Variants in FANCI observed in about 807,000 individuals in gnomAD.
FANCI encodes FA complementation group I, also known as Fanconi anemia group I protein.
Under a neutral mutation model 176.1 loss-of-function variants are expected in FANCI, and 156 were observed. The ratio of observed to expected loss-of-function variants is 0.89; its 90% CI spans 0.78 to 1.01. FANCI has a LOEUF of 1.01. Ranked by LOEUF, FANCI falls within the 50% of genes least tolerant of loss-of-function variation. FANCI has a pLI of 0.00. For synonymous variants in FANCI, 613 were observed against 541.7 expected (o/e 1.13, Z -1.83); for missense variants, 1,678 against 1,534.1 (o/e 1.09, Z -1.57).
intron 26 of FANCI, among the ~76,000 whole-genome samples, chr15:89,301,025 A>T (rs1885456825): frequency 6.6e-6 from 1 of 152,238 alleles, no homozygotes; most frequent in South Asian, 2.1e-4. Context: ...AGATCAATGG[A>T]TAGGCTCCAG....
rs2055276644 is a variant in FANCI, at chr15:89,316,689, T to A, written c.*230T>A. The stretch of plus-strand genomic sequence containing the variant: ...AAAAAGCACAGCTGAAAGCCTGAGT[T>A]TGGGAGCCTGCACCACCCCGATGAA... On this transcript the variant is annotated 3_prime_UTR_variant, in exon 38 of 38. Coordinates refer to ENST00000310775, the MANE Select transcript of FANCI (RefSeq NM_001113378.2). The A allele has an allele frequency of 7.9e-6, 11 of 1,390,618 alleles. No individual in the cohort carries two copies. In the South Asian group the frequency reaches 1.3e-4, roughly 16 times the overall value. 86.1% of individuals were successfully genotyped at this position (1,390,618 alleles called of 1,614,324 possible). A position where few individuals can be genotyped will look rare whatever the true frequency, so the allele number is the denominator to read the frequency against.
At chr15:89,268,614 A>C in intron 10 of FANCI, 89 bp downstream of exon 10, 2 of 1,521,334 alleles carry the variant, frequency 1.3e-6, no homozygotes, top group South Asian at 2.3e-5. Context: ...ATGACAGGAA[A>C]TAAATACTGT....
At position 89,273,459 on chromosome 15, in the gene FANCI, T is replaced by A; in HGVS notation, c.965T>A (p.Phe322Tyr). ...LLLSVTRIQR[F>Y]QDQVLDLLKT... ...CTGTCTGTAACAAGAATACAAAGAT[T>A]TCAGGACCAGGTATTTTTTTAAAAT... The change falls in exon 11 of 38, where the codon TTT (phenylalanine) becomes TAT (tyrosine). Residue 322 changes from phenylalanine to tyrosine, a missense_variant. Transcript: ENST00000310775. 3.8e-6 allele frequency: 6 copies of A among 1,575,622 alleles called. No individual in the cohort carries two copies. Among genetic ancestry groups the A allele is most frequent in the Non-Finnish European group, 5.2e-6 (6 of 1,148,268 alleles).
At chr15:89,281,896 A>C in intron 16 of FANCI, 61 bp downstream of exon 16, 4 of 1,404,280 alleles carry the variant, frequency 2.8e-6, no homozygotes, top group Non-Finnish European at 4.0e-6. Context: ...AGCTAAAGTT[A>C]TCTCTGCCAT....
intron 34 of FANCI, among the ~76,000 whole-genome samples, chr15:89,309,437 C>T (rs570061048): frequency 5.3e-5 from 8 of 151,996 alleles, no homozygotes; most frequent in South Asian, 2.1e-4. Context: ...CTTAGAGATT[C>T]GTGGTGTCCA....
At chr15:89,312,244 A>G (rs1051234633) in intron 34 of FANCI, among the ~76,000 whole-genome samples, 1 of 152,162 alleles carries the variant, frequency 6.6e-6, no homozygotes, top group Non-Finnish European at 1.5e-5. Context: ...ATAGAAATAG[A>G]AATGAATATT....
intron 10 of FANCI, 178 bp downstream of exon 10, chr15:89,268,703 CT>C (rs906117022): frequency 1.8e-4 from 120 of 672,774 alleles, no homozygotes; most frequent in Middle Eastern, 4.3e-4. Context: ...ACCACACTCC[CT>C]TTTTTTTAAT....
chr15:89,281,747 C>A lies in FANCI; in HGVS notation c.1513-18C>A, dbSNP rs779888046. Reference sequence around the variant, plus strand: ...ATAAGCAAACTTGTTCTGTTTTTACCCACTGATTCTTTTTCAGCCCCTTCT... The same window carrying A: ...ATAAGCAAACTTGTTCTGTTTTTACACACTGATTCTTTTTCAGCCCCTTCT... On this transcript the variant is annotated intron_variant, in intron 15 of 37. Coordinates refer to ENST00000310775, the MANE Select transcript of FANCI (RefSeq NM_001113378.2). 4 of 1,612,458 alleles carry A rather than the reference C, an allele frequency of 2.5e-6. 1 individual carries two copies. In the Middle Eastern group the frequency reaches 5.0e-4, roughly 200 times the overall value.
rs771293885 is a variant in FANCI, at chr15:89,292,865, G to A, written c.2169+1G>A. ...GAGTGAGCTGGAAGACTTTGAACTGGTAATTGCTAAGTCCTCAGCTGTATT... is the reference window on the plus strand; with the variant it reads ...GAGTGAGCTGGAAGACTTTGAACTGATAATTGCTAAGTCCTCAGCTGTATT... On this transcript the variant is annotated splice_donor_variant, in intron 21 of 37. Coordinates refer to ENST00000310775, the MANE Select transcript of FANCI (RefSeq NM_001113378.2). LOFTEE classifies it high-confidence loss of function. The A allele has an allele frequency of 6.2e-7, 1 of 1,614,066 alleles. No individual in the cohort carries two copies. The highest frequency in any genetic ancestry group is 8.5e-7 in the Non-Finnish European group (1 of 1,179,988).
chr15:89,286,699 C>T (rs1023826315), intron 18 of FANCI, among the ~76,000 whole-genome samples: 2 of 152,074 alleles, frequency 1.3e-5, no homozygotes, highest in African/African-American at 4.8e-5. Flanking sequence ...CTTAAGGGCC[C>T]TAGGATTTTT....
chr15:89,313,567 C>G (rs994723750), intron 35 of FANCI, among the ~76,000 whole-genome samples: 1 of 152,068 alleles, frequency 6.6e-6, no homozygotes, highest in Non-Finnish European at 1.5e-5. Flanking sequence ...AGCGGGGGTA[C>G]AGGAAAGGAG....
chr15:89,279,253 G>A (rs963078122), intron 14 of FANCI, among the ~76,000 whole-genome samples: 3 of 152,162 alleles, frequency 2.0e-5, no homozygotes, highest in Admixed American at 6.5e-5. Flanking sequence ...TGCCTCCTGG[G>A]TTCACGCAGT....
intron 3 of FANCI, 156 bp downstream of exon 3, chr15:89,258,932 T>C (rs1401886593): frequency 1.6e-6 from 1 of 641,830 alleles, no homozygotes; most frequent in East Asian, 2.8e-5. Context: ...TCCTGTCTAG[T>C]GGACTTAAGT....
chr15:89,308,844 G>C (rs1441807569), intron 34 of FANCI, among the ~76,000 whole-genome samples: 2 of 152,066 alleles, frequency 1.3e-5, no homozygotes, highest in Admixed American at 1.3e-4. Flanking sequence ...TACTTGGGAG[G>C]CTGAGGCAGG....
At chr15:89,266,172 T>TG (rs1285668779) in intron 9 of FANCI, among the ~76,000 whole-genome samples, 2 of 147,356 alleles carry the variant, frequency 1.4e-5, no homozygotes, top group Admixed American at 1.3e-4. Context: ...ACTGTTTTTT[T>TG]TTTTTTTTTT....
At chr15:89,289,103 A>G (rs1006286248) in intron 18 of FANCI, among the ~76,000 whole-genome samples, 1 of 151,648 alleles carries the variant, frequency 6.6e-6, no homozygotes, top group East Asian at 1.9e-4. Flanking sequence ...TTTTCCCCCA[A>G]GCTAACCATT....
chr15:89,301,935 A>G (rs73472610), intron 27 of FANCI, among the ~76,000 whole-genome samples: 6,760 of 152,206 alleles, frequency 0.044, 485 homozygotes, highest in African/African-American at 0.15. Context: ...AAGCAGAAAC[A>G]CCTCTGCAGA....
At chr15:89,254,797 G>C (rs2052423681) in intron 2 of FANCI, among the ~76,000 whole-genome samples, 2 of 152,166 alleles carry the variant, frequency 1.3e-5, no homozygotes, top group Admixed American at 6.5e-5. Flanking sequence ...GGGTGACAAA[G>C]AAGACTCTGT....
chr15:89,268,699 C>A, intron 10 of FANCI, 174 bp downstream of exon 10: 1 of 706,252 alleles, frequency 1.4e-6, no homozygotes, highest in Non-Finnish European at 2.3e-6. Flanking sequence ...TGTTACCACA[C>A]TCCCTTTTTT....
Sources: gnomAD v4.1 joint callset for allele counts (sites outside exome capture counted in the v4.1 genomes callset) on GRCh38, gnomAD v4.1.1 for gene constraint, MANE v1.5 for transcripts, NCBI Gene and HGNC (gene_info 2026-07-23, HGNC 2026-07-21) for gene names.